The following MMRN1 variants were observed in gnomAD, a reference collection of about 807,000 sequenced individuals.
The protein encoded by MMRN1 is multimerin 1.
Under a neutral mutation model 100.7 loss-of-function variants are expected in MMRN1, and 94 were observed. That is an observed-to-expected ratio of 0.93 (90% confidence interval 0.79 to 1.11). The LOEUF is 1.11. Ranked by LOEUF, MMRN1 falls within the 50% of genes least tolerant of loss-of-function variation. The pLI, the probability that MMRN1 is intolerant of heterozygous loss-of-function variation, is 0.00. For synonymous variants in MMRN1, 575 were observed against 505.0 expected (o/e 1.14, Z -1.86); for missense variants, 1,606 against 1,439.1 (o/e 1.12, Z -1.88).
chr4:89,933,933 C>A (rs1722522880), intron 5 of MMRN1, among the ~76,000 whole-genome samples: 1 of 151,824 alleles, frequency 6.6e-6, no homozygotes, highest in African/African-American at 2.4e-5. Flanking sequence ...TCTTTGTATG[C>A]AAGTTTTTTT....
At position 89,919,724 on chromosome 4, in the gene MMRN1, A is replaced by G. The variant is rs1244958434; in HGVS notation, c.851-3444A>G. Among the ~76,000 whole-genome samples, 3 of 152,200 alleles carry G rather than the reference A, an allele frequency of 2.0e-5. No homozygotes were observed. In the East Asian group the frequency reaches 5.8e-4, roughly 29 times the overall value. On this transcript the variant is annotated intron_variant, in intron 3 of 7. Coordinates refer to ENST00000264790, the MANE Select transcript of MMRN1 (RefSeq NM_007351.3). The stretch of plus-strand genomic sequence containing the variant: ...GTTTTATTCTCAGATTCAAAAATTC[A>G]AAAAATTCATACTCAAGATACCCGA...
chr4:89,891,554 G>A (rs1261485819), upstream of MMRN1, among the ~76,000 whole-genome samples: 1 of 152,018 alleles, frequency 6.6e-6, no homozygotes, highest in Non-Finnish European at 1.5e-5. Flanking sequence ...TAAATAATAT[G>A]CCAAATTTAA....
intron 6 of MMRN1, among the ~76,000 whole-genome samples, chr4:89,940,407 T>C (rs558739267): frequency 6.6e-6 from 1 of 152,290 alleles, no homozygotes; most frequent in South Asian, 2.1e-4. Flanking sequence ...AAACATTTGG[T>C]AGTGTTTTAA....
At position 89,936,013 on chromosome 4, in the gene MMRN1, A is replaced by G; in HGVS notation, c.2333A>G (p.Gln778Arg). Reference sequence around the variant, plus strand: ...GAAACTATTTTGACATTTATTCCTCAGTTCCACCGTCTGAATGATTCTATT... The same window carrying G: ...GAAACTATTTTGACATTTATTCCTCGGTTCCACCGTCTGAATGATTCTATT... ...DMETILTFIP[Q>R]FHRLNDSIQT... Residue 778 changes from glutamine to arginine, a missense_variant, in exon 6 of 8, where the codon CAG (glutamine) becomes CGG (arginine). By Grantham distance (43) the Gln-to-Arg change is conservative (BLOSUM62 1). Transcript: ENST00000264790. 1 of 1,613,290 alleles carries G rather than the reference A, an allele frequency of 6.2e-7. No individual in the cohort carries two copies. The highest frequency in any genetic ancestry group is 2.2e-5 in the East Asian group (1 of 44,822).
At position 89,935,221 on chromosome 4, in the gene MMRN1, A is replaced by G. The variant is rs751045923; in HGVS notation, c.1541A>G (p.Lys514Arg). Residue 514 changes from lysine to arginine, a missense_variant, in exon 6 of 8, where the codon AAG becomes AGG. Physicochemically the swap from Lys to Arg is conservative, Grantham distance 26. Coordinates refer to ENST00000264790, the MANE Select transcript of MMRN1 (RefSeq NM_007351.3). ...CTCAATAAAACTCTTTCTAAATTGA[A>G]GGAAGTACATGAGCAGCTTTTATCA... ...ESLNKTLSKL[K>R]EVHEQLLSTE... 7.4e-6 allele frequency: 12 copies of G among 1,613,384 alleles called. No individual in the cohort carries two copies. The Admixed American group carries it at 2.0e-4, about 27-fold the overall frequency.
chr4:89,922,136 T>C (rs1008137664), intron 3 of MMRN1, among the ~76,000 whole-genome samples: 1 of 152,130 alleles, frequency 6.6e-6, no homozygotes, highest in South Asian at 2.1e-4. Flanking sequence ...GGCAGAGTCC[T>C]GCTCTATCCC....
rs760187086 is a variant in MMRN1, at chr4:89,936,775, A to G, written c.3095A>G (p.Asn1032Ser). 1.6e-5 allele frequency: 26 copies of G among 1,598,908 alleles called. No homozygotes were observed. In the South Asian group the frequency reaches 2.5e-4, roughly 15 times the overall value. ...TTVLIGRTQR[N>S]TDNIIYPEEY... is the part of the protein sequence containing the mutation. ...GTCCTGATAGGCCGGACTCAAAGAA[A>G]CACGGACAACATAATATATCCTGGT... Residue 1032 changes from asparagine (N) to serine (S), a missense_variant, in exon 6 of 8, where the codon AAC becomes AGC. Transcript: ENST00000264790.
At chr4:89,952,265 T>C (rs545453972) in intron 7 of MMRN1, among the ~76,000 whole-genome samples, 1 of 152,294 alleles carries the variant, frequency 6.6e-6, no homozygotes, top group African/African-American at 2.4e-5. Flanking sequence ...AAGATGGCTT[T>C]TTTATTTATT....
intron 3 of MMRN1, among the ~76,000 whole-genome samples, chr4:89,916,597 C>A (rs1270632217): frequency 6.6e-6 from 1 of 151,448 alleles, no homozygotes; most frequent in Non-Finnish European, 1.5e-5. Context: ...AGGAATGAAT[C>A]ATCAAATTTT....
At chr4:89,922,026 T>C (rs993338740) in intron 3 of MMRN1, among the ~76,000 whole-genome samples, 8 of 152,206 alleles carry the variant, frequency 5.3e-5, no homozygotes, top group Admixed American at 5.2e-4. Flanking sequence ...AATTTGTTTG[T>C]TAGAAGTCTG....
At chr4:89,927,273 G>A (rs186680793) in intron 4 of MMRN1, among the ~76,000 whole-genome samples, 6 of 152,012 alleles carry the variant, frequency 3.9e-5, no homozygotes, top group East Asian at 3.9e-4. Context: ...TCATGAACAC[G>A]GCATATCTTC....
chr4:89,929,198 G>T (rs1391253447), intron 5 of MMRN1, among the ~76,000 whole-genome samples: 1 of 151,608 alleles, frequency 6.6e-6, no homozygotes, highest in Admixed American at 6.6e-5. Flanking sequence ...CAGGATTACT[G>T]TTTTTTTTCC....
intron 6 of MMRN1, among the ~76,000 whole-genome samples, chr4:89,941,734 T>C (rs993668468): frequency 2.6e-5 from 4 of 152,140 alleles, no homozygotes; most frequent in Non-Finnish European, 5.9e-5. Context: ...TCTAAAGATA[T>C]CAGTCTCTGG....
chr4:89,933,702 C>G (rs1722514467), intron 5 of MMRN1, among the ~76,000 whole-genome samples: 1 of 152,120 alleles, frequency 6.6e-6, no homozygotes, highest in Non-Finnish European at 1.5e-5. Context: ...ATGAGAACAG[C>G]ATGGGAAAAA....
At chr4:89,915,128 A>G (rs1193079460) in intron 3 of MMRN1, among the ~76,000 whole-genome samples, 1 of 151,630 alleles carries the variant, frequency 6.6e-6, no homozygotes, top group Non-Finnish European at 1.5e-5. Flanking sequence ...AATAAATTAT[A>G]TAAGAGCTAC....
At chr4:89,950,654 A>G (rs1379997874) in intron 6 of MMRN1, among the ~76,000 whole-genome samples, 1 of 151,938 alleles carries the variant, frequency 6.6e-6, no homozygotes, top group African/African-American at 2.4e-5. Flanking sequence ...TTGCCTACTG[A>G]TACATTCTCC....
intron 1 of MMRN1, among the ~76,000 whole-genome samples, chr4:89,899,017 C>T (rs1285316463): frequency 6.6e-6 from 1 of 151,984 alleles, no homozygotes; most frequent in Non-Finnish European, 1.5e-5. Context: ...AAGAAAGCTT[C>T]CCAAATATTT....
rs147040223 is a variant in MMRN1, at chr4:89,935,019, C to A, written c.1339C>A (p.Gln447Lys). 1.6e-5 allele frequency: 26 copies of A among 1,612,664 alleles called. No individual in the cohort carries two copies. The highest frequency in any genetic ancestry group is 2.2e-5 in the Non-Finnish European group (26 of 1,179,504). ...AGCCCAGCAAAAGTTTGTTTTGGTG[C>A]AAGAGAATCGGCCCACTTTGACTGA... is the stretch of plus-strand genomic sequence containing the variant. ...IAAQQKFVLV[Q>K]ENRPTLTDIV... Residue 447 changes from glutamine (Q) to lysine (K), a missense_variant, in exon 6 of 8, where the codon CAA becomes AAA. Transcript: ENST00000264790.
At chr4:89,931,370 A>G (rs1194254238) in intron 5 of MMRN1, among the ~76,000 whole-genome samples, 1 of 152,164 alleles carries the variant, frequency 6.6e-6, no homozygotes, top group Non-Finnish European at 1.5e-5. Context: ...AAATGGAGAC[A>G]TGTGGAGCCT....
Sources: allele counts gnomAD v4.1 joint callset (sites outside exome capture counted in the v4.1 genomes callset), GRCh38; gene constraint gnomAD v4.1.1; transcripts MANE v1.5; gene names NCBI Gene and HGNC (gene_info 2026-07-23, HGNC 2026-07-21).